The following EIF3M variants were observed in gnomAD, a reference collection of about 807,000 sequenced individuals.
The protein encoded by EIF3M is B5 receptor.
EIF3M carries 25 observed loss-of-function variants against 49.7 expected under a neutral mutation model. The ratio of observed to expected loss-of-function variants is 0.50; its 90% CI spans 0.37 to 0.70. The LOEUF (loss-of-function observed/expected upper bound fraction) is 0.70. EIF3M is among the 30% of genes least tolerant of loss of function. EIF3M has a pLI of 0.00. For synonymous variants in EIF3M, 156 were observed against 149.8 expected, an observed-to-expected ratio of 1.04 and a Z score of -0.30; for missense variants, 350 against 440.0, an observed-to-expected ratio of 0.80 and a Z score of 1.83.
chr11:32,585,317 A>T (rs936530522), intron 1 of EIF3M, among the ~76,000 whole-genome samples: 3 of 152,164 alleles, frequency 2.0e-5, no homozygotes, highest in Non-Finnish European at 2.9e-5. Context: ...TTAACATACA[A>T]AGTGAATGGA....
intron 5 of EIF3M, chr11:32,592,493 G>C (rs993030448): frequency 1.9e-6 from 1 of 524,728 alleles, no homozygotes; most frequent in Non-Finnish European, 3.7e-6. Context: ...GGGCTTTACA[G>C]AACTCTCTCT....
intron 7 of EIF3M, 45 bp from the exon 8 acceptor site, chr11:32,595,921 T>G: frequency 7.6e-7 from 1 of 1,321,788 alleles, no homozygotes; most frequent in Non-Finnish European, 1.0e-6. Flanking sequence ...ACAATAAATC[T>G]GAATTCTGTA....
chr11:32,602,165 C>CATTT lies in EIF3M; in HGVS notation c.1005-114_1005-113insATTT, dbSNP rs1855279233. On this transcript the variant is annotated intron_variant, in intron 10 of 10. Coordinates refer to ENST00000531120, the MANE Select transcript of EIF3M (RefSeq NM_006360.6). ...GTAATTCTTAAATTCTCTTACTATT[C>CATTT]TAAATTAGGTATATTTAATCTTGCT... 9.3e-6 allele frequency: 13 copies of CATTT among 1,395,930 alleles called. No homozygotes were observed. In the South Asian group the frequency reaches 1.7e-4, roughly 18 times the overall value. The allele number at this position is 1,395,930 out of a possible 1,614,324, so 86.5% of individuals were successfully genotyped here.
chr11:32,603,745 GT>G lies in EIF3M; in HGVS notation c.*1351del, dbSNP rs1278333521. ...AATTTCATGCAAAACAATCTTTGAT[GT>G]TTTTGAGAGATTCCCAGATAAAATT... On this transcript the variant is annotated 3_prime_UTR_variant, in exon 11 of 11. Transcript: ENST00000531120. The G allele has an allele frequency of 6.6e-6, 1 of 152,166 alleles. No homozygotes were observed. Among genetic ancestry groups the G allele is most frequent in the African/African-American group, 2.4e-5 (1 of 41,436 alleles). 9.4% of individuals were successfully genotyped at this position (152,166 alleles called of 1,614,324 possible).
Position 32,589,008 on chromosome 11 carries a change from C to G in EIF3M, c.315-4C>G. 2 of 1,611,836 alleles carry G rather than the reference C, an allele frequency of 1.2e-6. No homozygotes were observed. Among genetic ancestry groups the G allele is most frequent in the African/African-American group, 2.7e-5 (2 of 73,464 alleles). ...CATTGTTTATTTGTTTGTTAACCAA[C>G]CAGGTTAAGCAACCTTTTCCACGGG... On this transcript the variant is annotated splice_polypyrimidine_tract_variant and splice_region_variant and intron_variant, in intron 3 of 10. Coordinates refer to ENST00000531120, the MANE Select transcript of EIF3M (RefSeq NM_006360.6).
intron 1 of EIF3M, among the ~76,000 whole-genome samples, chr11:32,585,798 G>A (rs1441004639): frequency 1.3e-5 from 2 of 151,788 alleles, no homozygotes; most frequent in Non-Finnish European, 2.9e-5. Context: ...CTTTCCTGAG[G>A]CAACTAAATA....
chr11:32,589,421 CTG>C, intron 4 of EIF3M, 124 bp from the exon 5 acceptor site: 1 of 965,826 alleles, frequency 1.0e-6, no homozygotes, highest in Non-Finnish European at 1.5e-6. Context: ...GTTGATCCTC[CTG>C]CCTTGGCCTC....
At chr11:32,601,560 A>T in intron 9 of EIF3M, 1 of 437,642 alleles carries the variant, frequency 2.3e-6, no homozygotes, top group Non-Finnish European at 4.1e-6. Context: ...TTTAATATAG[A>T]TTGTCCCAGC....
At chr11:32,593,485 C>T (rs1233685332) in intron 5 of EIF3M, among the ~76,000 whole-genome samples, 3 of 152,190 alleles carry the variant, frequency 2.0e-5, no homozygotes, top group Admixed American at 2.0e-4. Context: ...GGAAAGTCAT[C>T]TTACCCCACC....
chr11:32,589,058 T>C lies in EIF3M; in HGVS notation c.361T>C (p.Tyr121His), dbSNP rs1855051180. Residue 121 changes from tyrosine (Y) to histidine (H), a missense_variant, in exon 4 of 11, where the codon TAC becomes CAC. Transcript: ENST00000531120. ...GATGGATAAGAATACTCCTGTAAGA[T>C]ACACAGTGTATTGCAGCCTTATTAA... ...HGMDKNTPVR[Y>H]TVYCSLIKVA... 1 of 1,614,102 alleles carries C rather than the reference T, an allele frequency of 6.2e-7. No individual in the cohort carries two copies. Among genetic ancestry groups the C allele is most frequent in the South Asian group, 1.1e-5 (1 of 91,088 alleles).
intron 5 of EIF3M, among the ~76,000 whole-genome samples, chr11:32,590,576 T>G (rs966201714): frequency 6.6e-6 from 1 of 152,136 alleles, no homozygotes; most frequent in African/African-American, 2.4e-5. Flanking sequence ...ACCATTGCAT[T>G]CCCAAGAAGA....
At chr11:32,586,889 CA>C in intron 1 of EIF3M, 122 bp from the exon 2 acceptor site, 2 of 1,349,382 alleles carry the variant, frequency 1.5e-6, no homozygotes, top group Admixed American at 2.4e-5. Context: ...GAGGGGTCTT[CA>C]ACATTATTTG....
intron 9 of EIF3M, 48 bp downstream of exon 9, chr11:32,600,880 C>G: frequency 6.5e-7 from 1 of 1,543,988 alleles, no homozygotes. Flanking sequence ...TTCTCATCTA[C>G]TACATGGATC....
Position 32,603,344 on chromosome 11 carries a change from A to G in EIF3M, c.*945A>G, listed in dbSNP as rs1421874870. ...ATATTTGGAAGTTGGCATGTTTTCAAGACACTGTATTGGGTAATTTTAAAA... is the reference window on the plus strand; with the variant it reads ...ATATTTGGAAGTTGGCATGTTTTCAGGACACTGTATTGGGTAATTTTAAAA... On this transcript the variant is annotated 3_prime_UTR_variant, in exon 11 of 11. Transcript: ENST00000531120. 1 of 224,340 alleles carries G rather than the reference A, an allele frequency of 4.5e-6. No individual in the cohort carries two copies. The highest frequency in any genetic ancestry group is 8.7e-6 in the Non-Finnish European group (1 of 115,152). The allele number at this position is 224,340 out of a possible 1,614,324, so 13.9% of individuals were successfully genotyped here.
chr11:32,588,315 G>A (rs1855032775), intron 2 of EIF3M, among the ~76,000 whole-genome samples: 1 of 150,834 alleles, frequency 6.6e-6, no homozygotes, highest in Non-Finnish European at 1.5e-5. Context: ...CTTGAACCTG[G>A]GAGGCGGAGG....
At position 32,601,072 on chromosome 11, in the gene EIF3M, T is replaced by C. The variant is rs1855254858; in HGVS notation, c.943+240T>C. On this transcript the variant is annotated intron_variant, in intron 9 of 10. Transcript: ENST00000531120. Reference sequence around the variant, plus strand: ...AAGACGTTTAGGCAATACACCACTGTGGTTAAGAGCACAGATTTTAGTATT... The same window carrying C: ...AAGACGTTTAGGCAATACACCACTGCGGTTAAGAGCACAGATTTTAGTATT... 8 of 311,722 alleles carry C rather than the reference T, an allele frequency of 2.6e-5. No individual in the cohort carries two copies. The South Asian group carries it at 6.9e-4, about 27-fold the overall frequency. The allele number at this position is 311,722 out of a possible 1,614,324, so 19.3% of individuals were successfully genotyped here. A position where few individuals can be genotyped will look rare whatever the true frequency, so the allele number is the denominator to read the frequency against.
chr11:32,587,116 T>A lies in EIF3M; in HGVS notation c.147T>A (p.Cys49Ter). 1 of 1,611,716 alleles carries A rather than the reference T, an allele frequency of 6.2e-7. No homozygotes were observed. The highest frequency in any genetic ancestry group is 1.1e-5 in the South Asian group (1 of 90,710). ...HVDLAQIIEA[C>*]DVCLKEDDKD... The stretch of plus-strand genomic sequence containing the variant: ...ATTTAGCTCAAATTATTGAAGCCTG[T>A]GATGTGTGTCTGAAGGAGGATGATA... The change falls in exon 2 of 11, where the codon TGT becomes TGA. Residue 49 changes from cysteine to a stop codon, truncating the protein, a stop_gained. Coordinates refer to ENST00000531120, the MANE Select transcript of EIF3M (RefSeq NM_006360.6). LOFTEE classifies it high-confidence loss of function.
At chr11:32,600,348 A>G (rs1248245627) in intron 8 of EIF3M, among the ~76,000 whole-genome samples, 1 of 151,286 alleles carries the variant, frequency 6.6e-6, no homozygotes, top group African/African-American at 2.4e-5. Context: ...TGTTCTTATG[A>G]AATGTACTTT....
In EIF3M at chr11:32,603,390, T is replaced by G. The variant is rs1418012024; in HGVS notation, c.*991T>G. On this transcript the variant is annotated 3_prime_UTR_variant, in exon 11 of 11. Coordinates refer to ENST00000531120, the MANE Select transcript of EIF3M (RefSeq NM_006360.6). ...TAAAAATAGTGTGTTAAATAACTTT[T>G]TCATTTTAAGGTTCTTTTCTGATGT... is the stretch of plus-strand genomic sequence containing the variant. 1 of 163,362 alleles carries G rather than the reference T, an allele frequency of 6.1e-6. No individual in the cohort carries two copies. Among genetic ancestry groups the G allele is most frequent in the East Asian group, 1.7e-4 (1 of 5,756 alleles). 10.1% of individuals were successfully genotyped at this position (163,362 alleles called of 1,614,324 possible). A position where few individuals can be genotyped will look rare whatever the true frequency, so the allele number is the denominator to read the frequency against.
Sources: gnomAD v4.1 joint callset for allele counts (sites outside exome capture counted in the v4.1 genomes callset) on GRCh38, gnomAD v4.1.1 for gene constraint, MANE v1.5 for transcripts, NCBI Gene and HGNC (gene_info 2026-07-23, HGNC 2026-07-21) for gene names.